DNAH8: variants seen among roughly 807,000 people sequenced by gnomAD.
DNAH8 encodes axonemal beta dynein heavy chain 8.
A neutral mutation model predicts 562.1 loss-of-function variants in DNAH8; 382 were observed. The ratio of observed to expected loss-of-function variants is 0.68; its 90% confidence interval spans 0.63 to 0.74. The LOEUF is 0.74. Ranked by LOEUF, DNAH8 falls within the 30% of genes least tolerant of loss-of-function variation. The pLI, the probability that DNAH8 is intolerant of heterozygous loss-of-function variation, is 0.00. For missense variants in DNAH8, 5,203 were observed against 5,620.4 expected, an observed-to-expected ratio of 0.93 and a Z score of 2.37; for synonymous variants, 1,881 against 1,919.4, an observed-to-expected ratio of 0.98 and a Z score of 0.52.
In DNAH8 at chr6:38,729,927, C is replaced by T. The variant is rs368460226; in HGVS notation, c.551C>T (p.Ala184Val). Residue 184 changes from alanine to valine, a missense_variant, in exon 4 of 93, where the codon GCG becomes GTG. Transcript: ENST00000327475. ...PSLEAFTNFF[A>V]KDGCKTLKFL... ...CTGGAAGCATTTACTAATTTTTTTG[C>T]GAAAGATGGTTGTAAGACACTGAAA... 77 of 1,591,388 alleles carry T rather than the reference C, an allele frequency of 4.8e-5. No homozygotes were observed. Among genetic ancestry groups the T allele is most frequent in the Middle Eastern group, 1.7e-4 (1 of 6,052 alleles).
At chr6:38,951,268 A>T (rs1761883470) in intron 81 of DNAH8, 50 bp from the exon 82 acceptor site, 1 of 1,507,964 alleles carries the variant, frequency 6.6e-7, no homozygotes, top group Non-Finnish European at 9.1e-7. Flanking sequence ...CAGATAGGAT[A>T]AAAATTGAAC....
intron 26 of DNAH8, 87 bp downstream of exon 26, chr6:38,815,744 T>C: frequency 8.2e-7 from 1 of 1,216,604 alleles, no homozygotes; most frequent in East Asian, 2.6e-5. Flanking sequence ...ATATGTTTGA[T>C]ACCTTTTGCA....
chr6:38,930,884 T>A (rs1782503934), intron 75 of DNAH8, among the ~76,000 whole-genome samples: 1 of 152,262 alleles, frequency 6.6e-6, no homozygotes, highest in East Asian at 1.9e-4. Flanking sequence ...TGAAAGTTTG[T>A]ACCCTTTGAC....
chr6:38,737,951 A>G lies in DNAH8; in HGVS notation c.1095A>G (p.Val365=), dbSNP rs142065001. 3.2e-4 allele frequency: 518 copies of G among 1,610,078 alleles called. 1 individual carries two copies. The East Asian group carries it at 0.011, about 33-fold the overall frequency. The change falls in exon 7 of 93, where the codon GTA becomes GTG. Residue 365 remains valine, a synonymous_variant. Coordinates refer to ENST00000327475, the MANE Select transcript of DNAH8 (RefSeq NM_001206927.2). ...TVHQLEEVLM[V]WYKQIEQVLI... Reference sequence around the variant, plus strand: ...ATCAGCTGGAGGAAGTGCTGATGGTATGGTACAAACAGATCGAACAGGTGA... The same window carrying G: ...ATCAGCTGGAGGAAGTGCTGATGGTGTGGTACAAACAGATCGAACAGGTGA...
intron 26 of DNAH8, among the ~76,000 whole-genome samples, chr6:38,815,958 G>A (rs1343733557): frequency 2.0e-5 from 3 of 152,076 alleles, no homozygotes; most frequent in Non-Finnish European, 4.4e-5. Context: ...CGTCACTTAA[G>A]TAGTTATGAA....
In DNAH8 at chr6:38,858,293, C is replaced by T. The variant is rs74455043; in HGVS notation, c.5958+551C>T. 8.0e-3 allele frequency among the ~76,000 whole-genome samples: 1,225 copies of T among 152,286 alleles called. 13 individuals carry two copies. The highest frequency in any genetic ancestry group is 0.014 in the Admixed American group (211 of 15,294). Reference sequence around the variant, plus strand: ...CCACTATTTGATAATCTTTACCTCCCATTTAACTCCTATTGCTTTAGTCTA... The same window carrying T: ...CCACTATTTGATAATCTTTACCTCCTATTTAACTCCTATTGCTTTAGTCTA... On this transcript the variant is annotated intron_variant, in intron 42 of 92. Transcript: ENST00000327475.
intron 48 of DNAH8, among the ~76,000 whole-genome samples, chr6:38,868,735 A>AT (rs1777255388): frequency 6.6e-6 from 1 of 151,082 alleles, no homozygotes; most frequent in African/African-American, 2.4e-5. Flanking sequence ...CAGTGGTGCA[A>AT]TCTTGGCTCA....
chr6:38,857,951 C>A (rs1290698758), intron 42 of DNAH8, among the ~76,000 whole-genome samples: 1 of 152,124 alleles, frequency 6.6e-6, no homozygotes, highest in Non-Finnish European at 1.5e-5. Context: ...AGTTTGGAAC[C>A]AACTGATGTG....
rs1582846178 is a variant in DNAH8, at chr6:38,730,640, C to T, written c.610+654C>T. On this transcript the variant is annotated intron_variant, in intron 4 of 92. Coordinates refer to ENST00000327475, the MANE Select transcript of DNAH8 (RefSeq NM_001206927.2). Reference sequence around the variant, plus strand: ...CCAGTATCTCTGTAATCAGATTCTCCCTCTGAAATTCGTACTGTGTATTCC... The same window carrying T: ...CCAGTATCTCTGTAATCAGATTCTCTCTCTGAAATTCGTACTGTGTATTCC... Among the ~76,000 whole-genome samples, 6 of 152,290 alleles carry T rather than the reference C, an allele frequency of 3.9e-5. No homozygotes were observed. The South Asian group carries it at 1.2e-3, about 32-fold the overall frequency.
intron 91 of DNAH8, among the ~76,000 whole-genome samples, chr6:39,018,322 C>T (rs555321799): frequency 1.3e-5 from 2 of 152,302 alleles, no homozygotes; most frequent in East Asian, 3.9e-4. Context: ...GCTCTCTCCA[C>T]GGCCCTCATA....
At position 38,921,500 on chromosome 6, in the gene DNAH8, G is replaced by T; in HGVS notation, c.10656G>T (p.Glu3552Asp). The change falls in exon 71 of 93, where the codon GAG becomes GAT. Residue 3552 changes from glutamate to aspartate, a missense_variant. Glu to Asp is a conservative substitution (Grantham distance 45). Around this residue, in one of 6 missense-constraint regions of DNAH8, gnomAD observed 1,399 missense variants for 1,518.4 expected, o/e 0.92. Transcript: ENST00000327475. ...VQAKFDAAMN[E>D]KMDLLNDADT... ...CAAAATTTGATGCAGCAATGAATGA[G>T]AAAATGGTGAGATTAAACATAAAAA... is the stretch of plus-strand genomic sequence containing the variant. The T allele has an allele frequency of 6.2e-7, 1 of 1,612,308 alleles. No individual in the cohort carries two copies. The highest frequency in any genetic ancestry group is 8.5e-7 in the Non-Finnish European group (1 of 1,179,168).
chr6:39,022,568 C>T (rs1034254201), intron 91 of DNAH8, among the ~76,000 whole-genome samples: 1 of 152,248 alleles, frequency 6.6e-6, no homozygotes, highest in Non-Finnish European at 1.5e-5. Flanking sequence ...CAGCCCTGCC[C>T]TGCCCTGCCC....
chr6:38,937,872 C>A, intron 77 of DNAH8, 102 bp from the exon 78 acceptor site: 1 of 1,391,604 alleles, frequency 7.2e-7, no homozygotes, highest in Non-Finnish European at 9.8e-7. Context: ...TTGGAGACAT[C>A]AAGTTGAAAG....
At position 38,874,068 on chromosome 6, in the gene DNAH8, T is replaced by TTCTTTCTTTCTTTCTTTCTTTCTTTTTC. The variant is rs377254876; in HGVS notation, c.7620+693_7620+694insCTTTCTTTCTTTCTTTCTTTCTTTTTCT. Among the ~76,000 whole-genome samples, 23 of 57,062 alleles carry TTCTTTCTTTCTTTCTTTCTTTCTTTTTC rather than the reference T, an allele frequency of 4.0e-4. 5 individuals are homozygous for TTCTTTCTTTCTTTCTTTCTTTCTTTTTC. Among genetic ancestry groups the TTCTTTCTTTCTTTCTTTCTTTCTTTTTC allele is most frequent in the African/African-American group, 1.2e-3 (19 of 15,612 alleles). 37.4% of individuals were successfully genotyped at this position (57,062 alleles called of 152,430 possible). A position where few individuals can be genotyped will look rare whatever the true frequency, so the allele number is the denominator to read the frequency against. ...TTTCTTTCTTTCTTTCTTTCTTTCT[T>TTCTTTCTTTCTTTCTTTCTTTCTTTTTC]TTTCTTTCTTTCTTTCTTTCTTTCT... On this transcript the variant is annotated intron_variant, in intron 52 of 92. Coordinates refer to ENST00000327475, the MANE Select transcript of DNAH8 (RefSeq NM_001206927.2).
Position 38,936,024 on chromosome 6 carries a change from AT to A in DNAH8, c.11563+343del, listed in dbSNP as rs397958545. On this transcript the variant is annotated intron_variant, in intron 77 of 92. Transcript: ENST00000327475. The stretch of plus-strand genomic sequence containing the variant: ...CCAAAGAAACTAATGTGCTCAATCT[AT>A]TTTTTTTTTTTTTTTGAGACAGAGT... Among the ~76,000 whole-genome samples the A allele has an allele frequency of 0.023, 3,266 of 139,974 alleles. 81 individuals are homozygous for A. Among genetic ancestry groups the A allele is most frequent in the African/African-American group, 0.068 (2,606 of 38,202 alleles). 91.8% of individuals were successfully genotyped at this position (139,974 alleles called of 152,430 possible). A position where few individuals can be genotyped will look rare whatever the true frequency, so the allele number is the denominator to read the frequency against.
chr6:39,005,908 T>C (rs999877225), intron 88 of DNAH8, among the ~76,000 whole-genome samples: 1 of 152,256 alleles, frequency 6.6e-6, no homozygotes, highest in Middle Eastern at 3.2e-3. Context: ...GTGATGTATC[T>C]ACATGTAGAG....
chr6:38,787,241 T>A (rs760099308), intron 18 of DNAH8, among the ~76,000 whole-genome samples: 11 of 152,064 alleles, frequency 7.2e-5, no homozygotes, highest in African/African-American at 2.7e-4. Flanking sequence ...ATAGATCTTG[T>A]GCATTAAATT....
At chr6:38,778,528 T>C in intron 14 of DNAH8, 64 bp downstream of exon 14, 1 of 1,017,266 alleles carries the variant, frequency 9.8e-7, no homozygotes, top group Non-Finnish European at 1.5e-6. Context: ...AAAAATACAA[T>C]TTCAAATTAG....
intron 85 of DNAH8, among the ~76,000 whole-genome samples, chr6:38,980,022 A>G (rs911923477): frequency 6.6e-6 from 1 of 152,194 alleles, no homozygotes; most frequent in Non-Finnish European, 1.5e-5. Flanking sequence ...TTTCATGTTA[A>G]TATCCCATAA....
Sources: allele counts gnomAD v4.1 joint callset (sites outside exome capture counted in the v4.1 genomes callset), GRCh38; gene constraint gnomAD v4.1.1; regional missense constraint gnomAD v4.1.1; transcripts MANE v1.5; gene names NCBI Gene and HGNC (gene_info 2026-07-23, HGNC 2026-07-21).